Variants in RNF180 observed in about 807,000 individuals in gnomAD.
RNF180 encodes ring finger protein 180, also known as E3 ubiquitin-protein ligase RNF180.
In RNF180, 38 loss-of-function variants were observed where a neutral mutation model predicts 59.2. The ratio of observed to expected loss-of-function variants is 0.64; its 90% CI spans 0.50 to 0.84. The LOEUF (loss-of-function observed/expected upper bound fraction) is 0.84. Ranked by LOEUF, RNF180 falls within the 40% of genes least tolerant of loss-of-function variation. RNF180 has a pLI of 0.00. For missense variants in RNF180, 705 were observed against 700.9 expected, an observed-to-expected ratio of 1.01 and a Z score of -0.07; for synonymous variants, 262 against 240.3, an observed-to-expected ratio of 1.09 and a Z score of -0.84.
chr5:64,314,202 T>C (rs1266845213), intron 5 of RNF180, among the ~76,000 whole-genome samples: 1 of 152,114 alleles, frequency 6.6e-6, no homozygotes, highest in East Asian at 1.9e-4. Flanking sequence ...CTCAAAAAGT[T>C]TCAGATTTTG....
chr5:64,198,838 G>A (rs561640626), intron 1 of RNF180, among the ~76,000 whole-genome samples: 33 of 151,202 alleles, frequency 2.2e-4, no homozygotes, highest in African/African-American at 5.8e-4. Flanking sequence ...TTTTTGAGAC[G>A]GAGTTTCGCT....
chr5:64,243,739 G>C (rs1247882547), intron 5 of RNF180, among the ~76,000 whole-genome samples: 1 of 152,164 alleles, frequency 6.6e-6, no homozygotes, highest in East Asian at 1.9e-4. Flanking sequence ...CTCAAGCTCT[G>C]CTAAGGGACA....
chr5:64,333,149 A>G (rs146689417), intron 7 of RNF180, among the ~76,000 whole-genome samples: 1 of 152,296 alleles, frequency 6.6e-6, no homozygotes, highest in East Asian at 1.9e-4. Context: ...GAGATTTGGT[A>G]TAGATAGGTT....
At position 64,217,569 on chromosome 5, in the gene RNF180, A is replaced by T. The variant is rs148857431; in HGVS notation, c.1227+173A>T. On this transcript the variant is annotated intron_variant, in intron 5 of 7. Coordinates refer to ENST00000389100, the MANE Select transcript of RNF180 (RefSeq NM_001113561.2). ...ATTCAAATACATAGACAGTTGTATC[A>T]CATCATGACTTTAATTTGCTTTTCC... 3.6e-3 allele frequency: 3,762 copies of T among 1,039,016 alleles called. 11 individuals are homozygous for T. The highest frequency in any genetic ancestry group is 4.4e-3 in the Non-Finnish European group (3,512 of 807,084). The allele number at this position is 1,039,016 out of a possible 1,614,324, so 64.4% of individuals were successfully genotyped here. A position where few individuals can be genotyped will look rare whatever the true frequency, so the allele number is the denominator to read the frequency against.
intron 7 of RNF180, among the ~76,000 whole-genome samples, chr5:64,332,045 A>C (rs1580267045): frequency 6.6e-6 from 1 of 152,084 alleles, no homozygotes; most frequent in African/African-American, 2.4e-5. Flanking sequence ...CAGTGGCTGG[A>C]CCTCACGCTT....
chr5:64,244,496 G>C (rs1321310368), intron 5 of RNF180, among the ~76,000 whole-genome samples: 1 of 152,132 alleles, frequency 6.6e-6, no homozygotes, highest in Non-Finnish European at 1.5e-5. Context: ...ATCAGAGATT[G>C]AAGGTCAACT....
At chr5:64,223,443 C>T (rs2112160361) in intron 5 of RNF180, among the ~76,000 whole-genome samples, 1 of 152,332 alleles carries the variant, frequency 6.6e-6, no homozygotes, top group Admixed American at 6.5e-5. Context: ...CTGCCTGCCT[C>T]ACCTTTCTGG....
At chr5:64,286,238 C>G (rs1411334146) in intron 5 of RNF180, among the ~76,000 whole-genome samples, 1 of 152,144 alleles carries the variant, frequency 6.6e-6, no homozygotes, top group African/African-American at 2.4e-5. Context: ...AAGGAAACAT[C>G]ATTTATTTGA....
chr5:64,340,333 A>C (rs1023125495), intron 7 of RNF180, among the ~76,000 whole-genome samples: 1 of 152,220 alleles, frequency 6.6e-6, no homozygotes, highest in Non-Finnish European at 1.5e-5. Context: ...GCTGAAATGT[A>C]GGTGTCTGAT....
At chr5:64,253,337 C>T (rs980627681) in intron 5 of RNF180, among the ~76,000 whole-genome samples, 2 of 151,928 alleles carry the variant, frequency 1.3e-5, no homozygotes, top group African/African-American at 4.8e-5. Flanking sequence ...CTTTCAATTT[C>T]TATGAATTTT....
intron 5 of RNF180, 158 bp downstream of exon 5, chr5:64,217,554 A>G: frequency 8.6e-7 from 1 of 1,166,188 alleles, no homozygotes; most frequent in South Asian, 3.5e-5. Context: ...ATTCAAATAC[A>G]TAGACAGTTG....
rs1750184111 is a variant in RNF180, at chr5:64,175,430, G to GT, written c.-1+9478dup. On this transcript the variant is annotated intron_variant, in intron 1 of 7. Transcript: ENST00000389100. Reference sequence around the variant, plus strand: ...TACCTTTATCAAAAATCAGTTGGTTGTAAGTGTGTGGATTTATTTCTATAT... The same window carrying GT: ...TACCTTTATCAAAAATCAGTTGGTTGTTAAGTGTGTGGATTTATTTCTATAT... Among the ~76,000 whole-genome samples the GT allele has an allele frequency of 2.0e-5, 3 of 152,154 alleles. No homozygotes were observed. The South Asian group carries it at 6.2e-4, about 32-fold the overall frequency.
chr5:64,230,349 T>A (rs778180601), intron 5 of RNF180, among the ~76,000 whole-genome samples: 6 of 152,242 alleles, frequency 3.9e-5, no homozygotes, highest in Non-Finnish European at 7.3e-5. Context: ...AAAATCAAGG[T>A]GTTAGCAGGA....
rs191242746 is a variant in RNF180 at position 64,175,276 on chromosome 5, C to G, written c.-1+9323C>G. Among the ~76,000 whole-genome samples the G allele has an allele frequency of 3.9e-5, 6 of 152,166 alleles. No homozygotes were observed. The East Asian group carries it at 1.2e-3, about 29-fold the overall frequency. Reference sequence around the variant, plus strand: ...GCCACTGTGCCTCGCCAATCCGTTTCTATTTTGAGGTGATTTTTTTTCATA... The same window carrying G: ...GCCACTGTGCCTCGCCAATCCGTTTGTATTTTGAGGTGATTTTTTTTCATA... On this transcript the variant is annotated intron_variant, in intron 1 of 7. Coordinates refer to ENST00000389100, the MANE Select transcript of RNF180 (RefSeq NM_001113561.2).
intron 5 of RNF180, among the ~76,000 whole-genome samples, chr5:64,259,854 G>A (rs183735131): frequency 6.6e-6 from 1 of 152,176 alleles, no homozygotes; most frequent in Admixed American, 6.5e-5. Context: ...CCGGGAGGCG[G>A]AGGTTGTGGT....
At chr5:64,217,609 C>CATAT in intron 5 of RNF180, 2 of 657,356 alleles carry the variant, frequency 3.0e-6, no homozygotes, top group Admixed American at 8.8e-5. Flanking sequence ...GGATGCTGAA[C>CATAT]ATATGTGCTT....
intron 7 of RNF180, among the ~76,000 whole-genome samples, chr5:64,346,670 T>C (rs2112573813): frequency 6.6e-6 from 1 of 152,152 alleles, no homozygotes; most frequent in South Asian, 2.1e-4. Flanking sequence ...GTCCCTGGCC[T>C]AGTTTCTGTT....
intron 5 of RNF180, among the ~76,000 whole-genome samples, chr5:64,323,546 A>G (rs759636930): frequency 1.1e-4 from 16 of 152,216 alleles, no homozygotes; most frequent in Admixed American, 4.6e-4. Flanking sequence ...TCAAAATAAT[A>G]ATAATAATAA....
At chr5:64,355,672 CAG>C (rs921534766) in intron 7 of RNF180, among the ~76,000 whole-genome samples, 56 of 151,956 alleles carry the variant, frequency 3.7e-4, no homozygotes, top group African/African-American at 1.3e-3. Flanking sequence ...GTAATCAAAA[CAG>C]TGTAGTACTG....
Sources: allele counts gnomAD v4.1 joint callset (sites outside exome capture counted in the v4.1 genomes callset), GRCh38; gene constraint gnomAD v4.1.1; transcripts MANE v1.5; gene names NCBI Gene and HGNC (gene_info 2026-07-23, HGNC 2026-07-21).